SLC6A9: variants seen among roughly 807,000 people sequenced by gnomAD.
SLC6A9 encodes sodium- and chloride-dependent glycine transporter 1.
A neutral mutation model predicts 70.9 loss-of-function variants in SLC6A9; 31 were observed. The ratio of observed to expected loss-of-function variants is 0.44; its 90% CI spans 0.33 to 0.59. The LOEUF (loss-of-function observed/expected upper bound fraction) is 0.59. Among genes scored for constraint, SLC6A9 ranks in the 20% least tolerant of loss-of-function variants. SLC6A9 has a pLI of 0.04. For missense variants in SLC6A9, 631 were observed against 845.2 expected (o/e 0.75, Z 3.14); for synonymous variants, 310 against 341.3 (o/e 0.91, Z 1.01).
At position 44,010,052 on chromosome 1, in the gene SLC6A9, T is replaced by C. The variant is rs751566003; in HGVS notation, c.232A>G (p.Ile78Val). Reference protein sequence around the residue: ...PYFIMLIFCGIPLFFMELSFG... With the variant: ...PYFIMLIFCGVPLFFMELSFG... ...GAGAGCTCCATGAAGAAGAGGGGGA[T>C]CCCGCAGAAGATGAGCATGATGAAG... The change falls in exon 4 of 14, where the codon ATC becomes GTC. Residue 78 changes from isoleucine (I) to valine (V), a missense_variant. Ile to Val is a conservative substitution (Grantham distance 29, BLOSUM62 3). Transcript: ENST00000372310. 6.2e-7 allele frequency: 1 copy of C among 1,613,836 alleles called. No homozygotes were observed. Among genetic ancestry groups the C allele is most frequent in the South Asian group, 1.1e-5 (1 of 91,082 alleles).
At chr1:44,024,154 C>T (rs1005247367) in intron 2 of SLC6A9, 94 bp downstream of exon 2, 62 of 1,326,348 alleles carry the variant, frequency 4.7e-5, no homozygotes, top group African/African-American at 5.8e-5. Flanking sequence ...CTGGCAGTGC[C>T]GGCCTTCCTA....
In SLC6A9 at chr1:44,010,781, G is replaced by A. The variant is rs368275687; in HGVS notation, c.132C>T (p.Ala44=). Residue 44 remains alanine (A), a synonymous_variant, in exon 3 of 14, where the codon GCC becomes GCT. Coordinates refer to ENST00000372310, the MANE Select transcript of SLC6A9 (RefSeq NM_001024845.3). The part of the protein sequence containing the change: ...IEFVLTSVGY[A]VGLGNVWRFP... ...AGCGCCAGACATTGCCCAGGCCCAC[G>A]GCATAGCCCACGCTCGTCAGTACAA... 36 of 1,614,208 alleles carry A rather than the reference G, an allele frequency of 2.2e-5. 2 individuals are homozygous for A. Among genetic ancestry groups the A allele is most frequent in the South Asian group, 1.5e-4 (14 of 91,090 alleles).
chr1:44,010,993 G>C (rs1557683429), intron 2 of SLC6A9, 111 bp from the exon 3 acceptor site: 14 of 1,140,342 alleles, frequency 1.2e-5, no homozygotes, highest in Non-Finnish European at 1.5e-5. Flanking sequence ...CCCTCCCCGG[G>C]CTTCCCCTCT....
At chr1:44,003,050 C>A (rs761739746) in intron 5 of SLC6A9, 65 bp from the exon 6 acceptor site, 38 of 1,590,250 alleles carry the variant, frequency 2.4e-5, no homozygotes, top group Non-Finnish European at 3.1e-5. Flanking sequence ...TTCCCAAGGC[C>A]CAGGGCCCAC....
rs1306576860 is a variant in SLC6A9, at chr1:44,013,338, G to T, written c.31-2456C>A. ...TCTGCTCCTTCCCTGGCAGGGGGAG[G>T]TACGGGGAAGGTGGTGATGCTTCCA... On this transcript the variant is annotated intron_variant, in intron 2 of 13. Coordinates refer to ENST00000372310, the MANE Select transcript of SLC6A9 (RefSeq NM_001024845.3). This position sits in a 1 kb window ranked among gnomAD's most constrained non-coding sequence, Gnocchi z 5.3. Among the ~76,000 whole-genome samples the T allele has an allele frequency of 2.0e-5, 3 of 152,212 alleles. No individual in the cohort carries two copies. Among genetic ancestry groups the T allele is most frequent in the Admixed American group, 2.0e-4 (3 of 15,284 alleles).
rs2086808808 is a variant in SLC6A9, at chr1:44,018,170, C to G, written c.30+6078G>C. Among the ~76,000 whole-genome samples, 1 of 152,224 alleles carries G rather than the reference C, an allele frequency of 6.6e-6. No homozygotes were observed. The highest frequency in any genetic ancestry group is 2.1e-4 in the South Asian group (1 of 4,834). On this transcript the variant is annotated intron_variant, in intron 2 of 13. Transcript: ENST00000372310. This position sits in a 1 kb window ranked among gnomAD's most constrained non-coding sequence, Gnocchi z 4.2. Reference sequence around the variant, plus strand: ...GAAGGCCTGGCTTACCACAGGACCTCAGGAAATATCAGTCAGATGGACACG... The same window carrying G: ...GAAGGCCTGGCTTACCACAGGACCTGAGGAAATATCAGTCAGATGGACACG...
At chr1:44,006,586 CAAAAAAAAA>C (rs34759206) in intron 5 of SLC6A9, among the ~76,000 whole-genome samples, 6 of 67,602 alleles carry the variant, frequency 8.9e-5, no homozygotes, top group East Asian at 5.1e-4. Flanking sequence ...GATTCTGTCT[CAAAAAAAAA>C]AAAAAAAAAA....
rs760214835 is a variant in SLC6A9, at chr1:44,008,443, T to C, written c.500A>G (p.Asn167Ser). The C allele has an allele frequency of 6.8e-6, 11 of 1,614,006 alleles. No homozygotes were observed. Among genetic ancestry groups the C allele is most frequent in the Non-Finnish European group, 6.8e-6 (8 of 1,179,984 alleles). ...AGVLDASNLT[N>S]GSRPAALPSN... is the part of the protein sequence containing the mutation. ...GGGCAAGGCGGCTGGCCGAGAGCCA[T>C]TGGTGAGGTTGGAGGCGTCCAGTAC... Residue 167 changes from asparagine to serine, a missense_variant, in exon 5 of 14, where the codon AAT becomes AGT. Asn to Ser is a conservative substitution (Grantham distance 46). Transcript: ENST00000372310.
chr1:43,998,154 A>G, intron 12 of SLC6A9, 129 bp from the exon 13 acceptor site: 1 of 841,422 alleles, frequency 1.2e-6, no homozygotes, highest in Non-Finnish European at 1.8e-6. Flanking sequence ...CAGAACAGGG[A>G]CAGCTGTCAA....
At position 44,001,008 on chromosome 1, in the gene SLC6A9, G is replaced by A. The variant is rs1455587226; in HGVS notation, c.1383C>T (p.Phe461=). ...LLLMDNYAAS[F]SLVVISCIMC... ...TGATGCAGGAGATGACCACCAAGGA[G>A]AAGCTGGCCGCATAGTTGTCCATCA... The change falls in exon 11 of 14, where the codon TTC becomes TTT. Residue 461 remains phenylalanine, a synonymous_variant. Coordinates refer to ENST00000372310, the MANE Select transcript of SLC6A9 (RefSeq NM_001024845.3). The A allele has an allele frequency of 9.5e-6, 15 of 1,582,190 alleles. No individual in the cohort carries two copies. The highest frequency in any genetic ancestry group is 1.3e-5 in the Non-Finnish European group (15 of 1,162,200).
intron 2 of SLC6A9, among the ~76,000 whole-genome samples, chr1:44,023,952 C>T (rs771305909): frequency 1.3e-5 from 2 of 152,252 alleles, no homozygotes; most frequent in Non-Finnish European, 2.9e-5. Context: ...TGCACAGCCC[C>T]GCGTCCACTG....
chr1:44,014,337 C>T (rs989519644), intron 2 of SLC6A9, among the ~76,000 whole-genome samples: 1 of 152,112 alleles, frequency 6.6e-6, no homozygotes. Context: ...ATGGGCTCAG[C>T]AGGTGGTCTC....
At chr1:44,024,514 C>A (rs2086946833) in intron 1 of SLC6A9, among the ~76,000 whole-genome samples, 152 bp from the exon 2 acceptor site, 1 of 152,230 alleles carries the variant, frequency 6.6e-6, no homozygotes, top group East Asian at 1.9e-4. Flanking sequence ...ACCCTCAGAT[C>A]CAGCTCCTTC....
At chr1:44,017,018 G>T (rs769617844) in intron 2 of SLC6A9, 2 of 1,561,694 alleles carry the variant, frequency 1.3e-6, no homozygotes, top group South Asian at 2.4e-5. Context: ...CACCAAGGAG[G>T]GGGCTCAACT....
chr1:44,010,236 G>GGGCTGA, intron 3 of SLC6A9, 140 bp from the exon 4 acceptor site: 1 of 797,194 alleles, frequency 1.3e-6, no homozygotes, highest in Non-Finnish European at 2.0e-6. Flanking sequence ...GCAGGAGCCT[G>GGGCTGA]GGCTGAGGCA....
chr1:44,007,881 T>C (rs2086375744), intron 5 of SLC6A9, among the ~76,000 whole-genome samples: 2 of 135,186 alleles, frequency 1.5e-5, no homozygotes, highest in African/African-American at 5.8e-5. Flanking sequence ...CCATCTTCCA[T>C]TGCTTTCTTT....
intron 5 of SLC6A9, among the ~76,000 whole-genome samples, chr1:44,003,867 C>A (rs748826864): frequency 6.6e-6 from 1 of 152,040 alleles, no homozygotes; most frequent in Non-Finnish European, 1.5e-5. Context: ...TTTACGTGCC[C>A]GGGCCTGTGC....
intron 1 of SLC6A9, among the ~76,000 whole-genome samples, chr1:44,026,695 G>C (rs1025601657): frequency 3.3e-5 from 5 of 152,030 alleles, no homozygotes; most frequent in Admixed American, 6.5e-5. Flanking sequence ...CCACGTCACA[G>C]GTTGGAAATT....
intron 4 of SLC6A9, 142 bp from the exon 5 acceptor site, chr1:44,008,765 G>C (rs1488195972): frequency 2.9e-6 from 2 of 681,376 alleles, no homozygotes; most frequent in Non-Finnish European, 4.9e-6. Context: ...TGACACCCAG[G>C]CTGGAGTGCA....
Sources: gnomAD v4.1 joint callset for allele counts (sites outside exome capture counted in the v4.1 genomes callset) on GRCh38, gnomAD v4.1.1 for gene constraint, Gnocchi (gnomAD v3.1) non-coding constraint, MANE v1.5 for transcripts, NCBI Gene and HGNC (gene_info 2026-07-23, HGNC 2026-07-21) for gene names.